Variants in AGBL4 observed in about 807,000 individuals in gnomAD.
AGBL4 encodes AGBL carboxypeptidase 4, also known as cytosolic carboxypeptidase 6.
A neutral mutation model predicts 66.4 loss-of-function variants in AGBL4; 58 were observed. The observed-to-expected ratio is 0.87, with a 90% CI of 0.71 to 1.09. AGBL4 has a LOEUF of 1.09. AGBL4 is among the 50% of genes least tolerant of loss of function. AGBL4 has a pLI of 0.00. For synonymous variants in AGBL4, 234 were observed against 222.9 expected, an observed-to-expected ratio of 1.05 and a Z score of -0.44; for missense variants, 579 against 631.0, an observed-to-expected ratio of 0.92 and a Z score of 0.88.
intron 3 of AGBL4, among the ~76,000 whole-genome samples, chr1:49,479,684 C>T (rs1646915641): frequency 6.6e-6 from 1 of 150,780 alleles, no homozygotes; most frequent in African/African-American, 2.4e-5. Flanking sequence ...ATATGTACCA[C>T]ATTTTCTTTT....
intron 4 of AGBL4, among the ~76,000 whole-genome samples, chr1:49,129,364 C>A (rs1645836107): frequency 6.6e-6 from 1 of 151,546 alleles, no homozygotes; most frequent in Non-Finnish European, 1.5e-5. Context: ...GCACAATGTG[C>A]AGGTTAGTTA....
chr1:48,755,345 T>G (rs1280207232), intron 6 of AGBL4, among the ~76,000 whole-genome samples: 1 of 152,200 alleles, frequency 6.6e-6, no homozygotes, highest in African/African-American at 2.4e-5. Flanking sequence ...GTAGATTTCT[T>G]TTGAAAACTG....
At chr1:49,204,499 A>G (rs1647975325) in intron 4 of AGBL4, among the ~76,000 whole-genome samples, 1 of 152,020 alleles carries the variant, frequency 6.6e-6, no homozygotes, top group South Asian at 2.1e-4. Context: ...AGGCTAGTTT[A>G]AAACTCCTGG....
chr1:49,671,838 G>A lies in AGBL4; in HGVS notation c.282+25475C>T, dbSNP rs779910889. 4.3e-4 allele frequency among the ~76,000 whole-genome samples: 66 copies of A among 152,016 alleles called. 1 individual carries two copies. Among genetic ancestry groups the A allele is most frequent in the Admixed American group, 1.2e-3 (18 of 15,242 alleles). ...CTAATTAAAAGTCAAAAAAATAACAGATATTGGTGAGGTTGCAGAGAAAAT... is the reference window on the plus strand; with the variant it reads ...CTAATTAAAAGTCAAAAAAATAACAAATATTGGTGAGGTTGCAGAGAAAAT... On this transcript the variant is annotated intron_variant, in intron 3 of 13. Coordinates refer to ENST00000371839, the MANE Select transcript of AGBL4 (RefSeq NM_032785.4).
chr1:49,383,752 A>G (rs1644672063), intron 3 of AGBL4, among the ~76,000 whole-genome samples: 1 of 152,140 alleles, frequency 6.6e-6, no homozygotes, highest in Non-Finnish European at 1.5e-5. Context: ...TCTGGCACAG[A>G]TAACAAAAGC....
chr1:49,064,200 T>C (rs1644451937), intron 4 of AGBL4, among the ~76,000 whole-genome samples: 1 of 152,236 alleles, frequency 6.6e-6, no homozygotes, highest in East Asian at 1.9e-4. Context: ...ACAAAGAATT[T>C]AGGTTGTAGT....
At chr1:49,713,518 G>A (rs1345983986) in intron 2 of AGBL4, among the ~76,000 whole-genome samples, 1 of 151,836 alleles carries the variant, frequency 6.6e-6, no homozygotes, top group Admixed American at 6.6e-5. Context: ...CATACTAATA[G>A]TAGCTGTAAT....
intron 1 of AGBL4, among the ~76,000 whole-genome samples, chr1:49,939,303 A>T (rs1249989248): frequency 2.0e-5 from 3 of 151,392 alleles, no homozygotes; most frequent in African/African-American, 7.3e-5. Context: ...ATTCAATGCC[A>T]TCCCCATCAA....
At chr1:49,237,015 G>C (rs1650807191) in intron 4 of AGBL4, among the ~76,000 whole-genome samples, 1 of 151,816 alleles carries the variant, frequency 6.6e-6, no homozygotes, top group Non-Finnish European at 1.5e-5. Context: ...CAGCACTTTG[G>C]GAGGCCAAGG....
At chr1:49,473,361 T>C (rs917464059) in intron 3 of AGBL4, among the ~76,000 whole-genome samples, 2 of 152,088 alleles carry the variant, frequency 1.3e-5, no homozygotes, top group Non-Finnish European at 2.9e-5. Context: ...TGGTACCTCA[T>C]TGTGGTTTTG....
At chr1:49,462,341 T>C (rs1178566595) in intron 3 of AGBL4, among the ~76,000 whole-genome samples, 2 of 151,686 alleles carry the variant, frequency 1.3e-5, no homozygotes, top group African/African-American at 2.4e-5. Context: ...CATCTTAATA[T>C]AACTTAGGGA....
chr1:49,228,321 A>G (rs1650060123), intron 4 of AGBL4, among the ~76,000 whole-genome samples: 1 of 152,220 alleles, frequency 6.6e-6, no homozygotes, highest in Non-Finnish European at 1.5e-5. Flanking sequence ...GAAGACAGGC[A>G]ATAAACAACA....
At chr1:49,927,798 G>C (rs1652941503) in intron 1 of AGBL4, among the ~76,000 whole-genome samples, 1 of 152,044 alleles carries the variant, frequency 6.6e-6, no homozygotes, top group Non-Finnish European at 1.5e-5. Flanking sequence ...CACATTAAAA[G>C]TCAAAACATC....
Position 49,319,545 on chromosome 1 carries a change from C to T in AGBL4, c.283-73681G>A, listed in dbSNP as rs576979085. Reference sequence around the variant, plus strand: ...CTAGTTCAAGATGGCTGATCAAACTCCAGCTATTATGTCCATATCCCAGCC... The same window carrying T: ...CTAGTTCAAGATGGCTGATCAAACTTCAGCTATTATGTCCATATCCCAGCC... On this transcript the variant is annotated intron_variant, in intron 3 of 13. Transcript: ENST00000371839. Among the ~76,000 whole-genome samples, 15 of 152,254 alleles carry T rather than the reference C, an allele frequency of 9.9e-5. No homozygotes were observed. In the South Asian group the frequency reaches 3.1e-3, roughly 32 times the overall value.
intron 2 of AGBL4, among the ~76,000 whole-genome samples, chr1:49,766,277 G>A (rs1461988137): frequency 6.6e-6 from 1 of 152,104 alleles, no homozygotes. Flanking sequence ...GAGATTAGGG[G>A]CCTATTTTCA....
intron 1 of AGBL4, among the ~76,000 whole-genome samples, chr1:49,877,255 T>G (rs1372758804): frequency 2.0e-5 from 3 of 151,122 alleles, no homozygotes; most frequent in Non-Finnish European, 1.5e-5. Context: ...AAGGGAATGC[T>G]TCCAGTTTTT....
intron 1 of AGBL4, chr1:49,995,128 T>C: frequency 2.2e-6 from 1 of 456,206 alleles, no homozygotes; most frequent in Non-Finnish European, 4.4e-6. Flanking sequence ...AACTCAAAGT[T>C]TCCTGGACAG....
chr1:49,275,554 T>C (rs909661512), intron 3 of AGBL4, among the ~76,000 whole-genome samples: 5 of 152,212 alleles, frequency 3.3e-5, no homozygotes. Context: ...TAAAAGTTAC[T>C]TTTAATTTCA....
intron 4 of AGBL4, among the ~76,000 whole-genome samples, chr1:49,108,054 T>A (rs1396045538): frequency 6.6e-6 from 1 of 152,200 alleles, no homozygotes; most frequent in Non-Finnish European, 1.5e-5. Context: ...TGGCAAGTTA[T>A]CTCTCTTTCT....
Sources: allele counts gnomAD v4.1 joint callset (sites outside exome capture counted in the v4.1 genomes callset), GRCh38; gene constraint gnomAD v4.1.1; transcripts MANE v1.5; gene names NCBI Gene and HGNC (gene_info 2026-07-23, HGNC 2026-07-21).